Variants in BLTP1 observed in about 807,000 individuals in gnomAD.
BLTP1 encodes the protein fragile site-associated protein.
the BLTP1 span, among the ~76,000 whole-genome samples, chr4:122,320,812 T>C: frequency 6.6e-6 from 1 of 152,100 alleles, no homozygotes; most frequent in Non-Finnish European, 1.5e-5. Context: ...AATGATAGCT[T>C]TGAATTAATA....
the BLTP1 span, chr4:122,257,585 C>T: frequency 3.2e-6 from 4 of 1,238,584 alleles, no homozygotes; most frequent in Admixed American, 6.2e-5. Flanking sequence ...ATGTTTTTTG[C>T]TTAGATATTA....
chr4:122,217,775 C>T, the BLTP1 span, among the ~76,000 whole-genome samples: 3 of 152,244 alleles, frequency 2.0e-5, 1 homozygote, highest in South Asian at 6.2e-4. Flanking sequence ...GGAATAGTTT[C>T]AGTAGGATTG....
the BLTP1 span, among the ~76,000 whole-genome samples, chr4:122,214,804 G>GT: frequency 6.6e-6 from 1 of 151,570 alleles, no homozygotes; most frequent in Non-Finnish European, 1.5e-5. Flanking sequence ...TGGAGACAGG[G>GT]TTTCGCCATG....
the BLTP1 span, chr4:122,305,029 TG>T: frequency 6.6e-7 from 1 of 1,525,674 alleles, no homozygotes; most frequent in Admixed American, 2.0e-5. Flanking sequence ...TTTTAAATTT[TG>T]CACATCAATT....
the BLTP1 span, chr4:122,351,396 C>T: frequency 5.1e-6 from 1 of 197,808 alleles, no homozygotes; most frequent in African/African-American, 2.4e-5. Flanking sequence ...AAAATTCATA[C>T]CATTTTGTAG....
At chr4:122,276,931 A>G in the BLTP1 span, 1 of 985,408 alleles carries the variant, frequency 1.0e-6, no homozygotes, top group Non-Finnish European at 1.2e-6. Flanking sequence ...GGTTCTTCAT[A>G]TCTTTGAGAC....
At chr4:122,171,810 CAAT>C in the BLTP1 span, 6 of 984,084 alleles carry the variant, frequency 6.1e-6, no homozygotes, top group Non-Finnish European at 7.2e-6. Context: ...AAAAAAACAA[CAAT>C]AACAAGCAGA....
the BLTP1 span, among the ~76,000 whole-genome samples, chr4:122,248,584 A>G: frequency 6.6e-6 from 1 of 152,068 alleles, no homozygotes; most frequent in African/African-American, 2.4e-5. Context: ...CTGAATATGT[A>G]TGGGATTAAA....
At chr4:122,294,526 G>A in the BLTP1 span, among the ~76,000 whole-genome samples, 12 of 152,158 alleles carry the variant, frequency 7.9e-5, no homozygotes, top group Admixed American at 7.9e-4. Flanking sequence ...CAGCCCTACA[G>A]AAGAGTGGCC....
chr4:122,270,357 G>C, the BLTP1 span: 1 of 984,660 alleles, frequency 1.0e-6, no homozygotes, highest in South Asian at 4.7e-5. Flanking sequence ...CCTTTTTACA[G>C]TTTTGGTGCT....
At chr4:122,215,882 T>C in the BLTP1 span, among the ~76,000 whole-genome samples, 4 of 151,916 alleles carry the variant, frequency 2.6e-5, no homozygotes, top group Non-Finnish European at 5.9e-5. Context: ...TATATCATTC[T>C]TATGCCTTTG....
chr4:122,260,857 C>T, the BLTP1 span, among the ~76,000 whole-genome samples: 1 of 151,990 alleles, frequency 6.6e-6, no homozygotes, highest in Non-Finnish European at 1.5e-5. Flanking sequence ...AACTAGCGTA[C>T]ACTGATATAG....
At chr4:122,271,885 A>G in the BLTP1 span, among the ~76,000 whole-genome samples, 1 of 152,130 alleles carries the variant, frequency 6.6e-6, no homozygotes, top group East Asian at 1.9e-4. Context: ...TGGAATTCAG[A>G]TATCCTGCCA....
chr4:122,176,234 C>T, the BLTP1 span, among the ~76,000 whole-genome samples: 2 of 151,512 alleles, frequency 1.3e-5, no homozygotes, highest in Admixed American at 6.6e-5. Context: ...ACCCAGGAGG[C>T]GGAGGTTGCA....
At chr4:122,191,723 A>C in the BLTP1 span, among the ~76,000 whole-genome samples, 1 of 152,248 alleles carries the variant, frequency 6.6e-6, no homozygotes, top group Admixed American at 6.5e-5. Context: ...TATCTGAAAA[A>C]GCTATTAAAA....
chr4:122,257,145 T>A, the BLTP1 span: 3 of 1,131,778 alleles, frequency 2.7e-6, no homozygotes, highest in East Asian at 7.2e-5. Context: ...TTTTAATTTC[T>A]TTATCTCTAA....
At chr4:122,166,433 A>C in the BLTP1 span, among the ~76,000 whole-genome samples, 4 of 152,166 alleles carry the variant, frequency 2.6e-5, no homozygotes, top group South Asian at 2.1e-4. Context: ...ATTGGTCTAT[A>C]TCTCTGTTTT....
At chr4:122,292,105 G>A in the BLTP1 span, among the ~76,000 whole-genome samples, 950 of 151,868 alleles carry the variant, frequency 6.3e-3, 9 homozygotes, top group African/African-American at 0.022. Context: ...CAAGTAGCTG[G>A]GACTACAGGC....
the BLTP1 span, chr4:122,281,911 G>T: frequency 7.7e-7 from 1 of 1,300,646 alleles, no homozygotes. Context: ...GTTCATTAAT[G>T]ATGTTCTCTA....
Sources: gnomAD v4.1 joint callset for allele counts (sites outside exome capture counted in the v4.1 genomes callset) on GRCh38, gnomAD v4.1.1 for gene constraint, MANE v1.5 for transcripts, NCBI Gene and HGNC (gene_info 2026-07-23, HGNC 2026-07-21) for gene names.